Variants in FRMPD4 observed in about 807,000 individuals in gnomAD.
FRMPD4 encodes the protein FERM and PDZ domain-containing protein 4.
In FRMPD4, 22 loss-of-function variants were observed where a neutral mutation model predicts 94.1. That is an observed-to-expected ratio of 0.23 (90% CI 0.17 to 0.33). The LOEUF (loss-of-function observed/expected upper bound fraction) is 0.33, where lower values mean the gene tolerates loss of function less well. FRMPD4 is among the 10% of genes least tolerant of loss of function. The pLI is 1.00. For synonymous variants in FRMPD4, 631 were observed against 548.6 expected (o/e 1.15, Z -2.10); for missense variants, 1,111 against 1,339.9 (o/e 0.83, Z 2.67).
intron 14 of FRMPD4, among the ~76,000 whole-genome samples, chrX:12,711,410 G>A (rs2041984425): frequency 8.9e-6 from 1 of 112,029 alleles, no homozygotes; most frequent in South Asian, 3.8e-4. Context: ...GGAGCACCAA[G>A]ATGGCAAAGA....
At chrX:12,376,622 C>T (rs1051219687) in intron 1 of FRMPD4, among the ~76,000 whole-genome samples, 17 of 111,399 alleles carry the variant, frequency 1.5e-4, no homozygotes, top group African/African-American at 5.7e-4. Context: ...AATGTGTGCA[C>T]GTGTGTGGGT....
intron 1 of FRMPD4, among the ~76,000 whole-genome samples, chrX:12,425,501 G>A (rs2056935462): frequency 9.0e-6 from 1 of 111,607 alleles, no homozygotes; most frequent in African/African-American, 3.3e-5. Flanking sequence ...GATTAACATT[G>A]GAATCTAAGA....
At chrX:12,671,737 A>T (rs2148501525) in intron 4 of FRMPD4, among the ~76,000 whole-genome samples, 1 of 111,003 alleles carries the variant, frequency 9.0e-6, no homozygotes, top group East Asian at 2.8e-4. Flanking sequence ...AGTATAATAA[A>T]AAATAAATAA....
intron 3 of FRMPD4, among the ~76,000 whole-genome samples, chrX:11,992,425 T>C (rs1405403067): frequency 9.0e-6 from 1 of 111,514 alleles, no homozygotes. Flanking sequence ...TGTGGCCATG[T>C]TTTTAGTCTT....
At chrX:12,096,533 AACAGCATAGTCCT>A (rs763691584) in intron 3 of FRMPD4, among the ~76,000 whole-genome samples, 4 of 111,919 alleles carry the variant, frequency 3.6e-5, no homozygotes, top group Admixed American at 9.5e-5. Flanking sequence ...GGATGTTGAT[AACAGCATAGTCCT>A]GTAGGAAGTG....
intron 2 of FRMPD4, among the ~76,000 whole-genome samples, chrX:12,604,742 C>T (rs1431158834): frequency 4.5e-5 from 5 of 111,336 alleles, no homozygotes; most frequent in African/African-American, 1.6e-4. Context: ...GGGTTTGTTG[C>T]ACAGATTATT....
chrX:12,204,493 G>A (rs181388814), intron 1 of FRMPD4, among the ~76,000 whole-genome samples: 23 of 111,397 alleles, frequency 2.1e-4, no homozygotes, highest in Non-Finnish European at 2.1e-4. Flanking sequence ...CTCTCCCCCA[G>A]CTTCCCAATT....
intron 3 of FRMPD4, among the ~76,000 whole-genome samples, chrX:12,024,898 A>G (rs1206370551): frequency 8.9e-6 from 1 of 111,759 alleles, no homozygotes; most frequent in East Asian, 2.8e-4. Flanking sequence ...AGTCCATTGT[A>G]TGAATATTCC....
chrX:12,635,292 G>A (rs951752342), intron 4 of FRMPD4, among the ~76,000 whole-genome samples: 4 of 111,766 alleles, frequency 3.6e-5, no homozygotes, highest in African/African-American at 1.3e-4. Flanking sequence ...AAAGAGTGTC[G>A]GGTGGAGCTG....
chrX:12,237,539 C>T (rs1488147224), intron 1 of FRMPD4, among the ~76,000 whole-genome samples: 2 of 112,174 alleles, frequency 1.8e-5, no homozygotes, highest in East Asian at 5.6e-4. Flanking sequence ...TTATATGACT[C>T]TCATACTTGA....
At chrX:12,608,831 T>C (rs1419370023) in intron 2 of FRMPD4, among the ~76,000 whole-genome samples, 2 of 112,171 alleles carry the variant, frequency 1.8e-5, no homozygotes, top group Non-Finnish European at 3.8e-5. Flanking sequence ...TATGTTCCAG[T>C]GTATAGAGCA....
chrX:12,160,949 A>G (rs73190555), intron 1 of FRMPD4, among the ~76,000 whole-genome samples: 5,520 of 110,938 alleles, frequency 0.05, 140 homozygotes, highest in Non-Finnish European at 0.076. Flanking sequence ...TATTAGCATT[A>G]ATATTGTTAC....
intron 1 of FRMPD4, among the ~76,000 whole-genome samples, chrX:12,475,269 G>A (rs1292073243): frequency 1.4e-4 from 16 of 111,844 alleles, no homozygotes; most frequent in Admixed American, 3.8e-4. Flanking sequence ...ACAGCCCTTC[G>A]TGCTAAAAAC....
intron 1 of FRMPD4, among the ~76,000 whole-genome samples, chrX:12,486,578 A>G (rs1368183232): frequency 8.9e-6 from 1 of 112,581 alleles, no homozygotes; most frequent in Non-Finnish European, 1.9e-5. Context: ...GTTACAATAT[A>G]GCTGTTTCCC....
chrX:12,438,305 A>G (rs1261107698), intron 1 of FRMPD4, among the ~76,000 whole-genome samples: 2 of 110,034 alleles, frequency 1.8e-5, no homozygotes, highest in African/African-American at 6.6e-5. Context: ...TAATTTGCCT[A>G]TCATCCTTTA....
chrX:12,086,102 T>A (rs2055108824), intron 3 of FRMPD4, among the ~76,000 whole-genome samples: 1 of 110,503 alleles, frequency 9.0e-6, no homozygotes, highest in Admixed American at 9.7e-5. Context: ...TGTGTGTGTG[T>A]GTGTGTGTGT....
chrX:12,373,284 C>T (rs186604077), intron 1 of FRMPD4: 3 of 112,196 alleles, frequency 2.7e-5, no homozygotes, highest in African/African-American at 9.7e-5. Flanking sequence ...TATTACATTT[C>T]GCATGCTTTA....
intron 1 of FRMPD4, among the ~76,000 whole-genome samples, chrX:12,485,236 A>G (rs2057727431): frequency 2.7e-5 from 3 of 112,488 alleles, no homozygotes; most frequent in Non-Finnish European, 3.8e-5. Context: ...AGGAATATCT[A>G]TTTGCAATCT....
intron 16 of FRMPD4, among the ~76,000 whole-genome samples, chrX:12,719,994 A>G (rs779433268): frequency 2.4e-5 from 2 of 81,940 alleles, no homozygotes; most frequent in African/African-American, 5.3e-5. Flanking sequence ...AAGAAAGGAA[A>G]GAAAGGAAAG....
Sources: allele counts gnomAD v4.1 joint callset (sites outside exome capture counted in the v4.1 genomes callset), GRCh38; gene constraint gnomAD v4.1.1; transcripts MANE v1.5; gene names NCBI Gene and HGNC (gene_info 2026-07-23, HGNC 2026-07-21).